Variants in CTNND2 observed in about 807,000 individuals in gnomAD.
CTNND2 encodes catenin delta 2.
A neutral mutation model predicts 144.4 loss-of-function variants in CTNND2; 22 were observed. The observed-to-expected ratio is 0.15, with a 90% CI of 0.11 to 0.22. The LOEUF (loss-of-function observed/expected upper bound fraction) is 0.22. Among genes scored for constraint, CTNND2 ranks in the 10% least tolerant of loss-of-function variants. The pLI, the probability that CTNND2 is intolerant of heterozygous loss-of-function variation, is 1.00. For missense variants in CTNND2, 1,353 were observed against 1,618.8 expected (o/e 0.84, Z 2.82); for synonymous variants, 751 against 695.6 (o/e 1.08, Z -1.25).
chr5:11,817,654 C>T (rs1250156239), intron 1 of CTNND2, among the ~76,000 whole-genome samples: 1 of 151,994 alleles, frequency 6.6e-6, no homozygotes, highest in Non-Finnish European at 1.5e-5. Flanking sequence ...AGCCGTGTGG[C>T]TGTTAAAATC....
intron 16 of CTNND2, among the ~76,000 whole-genome samples, chr5:11,081,381 T>G (rs2149632919): frequency 6.6e-6 from 1 of 152,342 alleles, no homozygotes; most frequent in East Asian, 1.9e-4. Flanking sequence ...CTTGATTTAA[T>G]CAGTTCACAT....
chr5:11,462,045 G>A (rs1449877389), intron 3 of CTNND2, among the ~76,000 whole-genome samples: 1 of 152,050 alleles, frequency 6.6e-6, no homozygotes, highest in Admixed American at 6.5e-5. Flanking sequence ...CCCAGGTGGT[G>A]ACCAGATCAC....
chr5:11,473,866 C>T (rs1471537925), intron 3 of CTNND2, among the ~76,000 whole-genome samples: 1 of 152,234 alleles, frequency 6.6e-6, no homozygotes, highest in Admixed American at 6.5e-5. Flanking sequence ...CTGCAGTGTG[C>T]AAAGAAGCTG....
intron 19 of CTNND2, among the ~76,000 whole-genome samples, chr5:10,990,837 C>CACAG (rs1738594645): frequency 6.6e-6 from 1 of 152,214 alleles, no homozygotes; most frequent in Non-Finnish European, 1.5e-5. Flanking sequence ...GCTGGTTGAA[C>CACAG]ACAGCCCTGC....
chr5:11,584,433 G>A (rs1319989361), intron 2 of CTNND2, among the ~76,000 whole-genome samples: 1 of 145,428 alleles, frequency 6.9e-6, no homozygotes, highest in African/African-American at 2.5e-5. Context: ...TTTGGGGGGG[G>A]GGAGGAGGAA....
intron 1 of CTNND2, among the ~76,000 whole-genome samples, chr5:11,839,595 G>T (rs759058987): frequency 1.6e-4 from 24 of 152,134 alleles, no homozygotes; most frequent in Non-Finnish European, 2.9e-4. Flanking sequence ...TGCCTGGGTG[G>T]GAAGACACAA....
At chr5:11,323,987 C>T (rs560396579) in intron 9 of CTNND2, among the ~76,000 whole-genome samples, 34 of 152,132 alleles carry the variant, frequency 2.2e-4, no homozygotes, top group Middle Eastern at 3.4e-3. Flanking sequence ...GATGGAAGCA[C>T]GTCACCATCT....
chr5:11,514,898 G>T (rs945439485), intron 3 of CTNND2, among the ~76,000 whole-genome samples: 24 of 152,102 alleles, frequency 1.6e-4, no homozygotes, highest in Admixed American at 1.2e-3. Context: ...CAGCTCCCAG[G>T]TTCAAGCAAT....
intron 10 of CTNND2, among the ~76,000 whole-genome samples, chr5:11,224,122 C>A (rs949491272): frequency 3.3e-5 from 5 of 152,156 alleles, no homozygotes; most frequent in Non-Finnish European, 5.9e-5. Context: ...TATACCTCCA[C>A]GCAGCGGTAT....
chr5:11,442,187 A>G (rs1764328143), intron 3 of CTNND2, among the ~76,000 whole-genome samples: 1 of 152,186 alleles, frequency 6.6e-6, no homozygotes, highest in South Asian at 2.1e-4. Flanking sequence ...ATCTGTTAAC[A>G]TATATTTATT....
intron 5 of CTNND2, among the ~76,000 whole-genome samples, chr5:11,397,463 T>C (rs1033501182): frequency 2.0e-5 from 3 of 152,148 alleles, no homozygotes; most frequent in Non-Finnish European, 4.4e-5. Context: ...CTGACCTACA[T>C]AGAGACATTT....
At chr5:11,098,056 T>C (rs1408369443) in intron 15 of CTNND2, among the ~76,000 whole-genome samples, 1 of 152,252 alleles carries the variant, frequency 6.6e-6, no homozygotes, top group Admixed American at 6.5e-5. Context: ...ATAAATTTAC[T>C]TTAACATGTT....
At chr5:11,170,986 T>C (rs1759846945) in intron 11 of CTNND2, among the ~76,000 whole-genome samples, 1 of 152,054 alleles carries the variant, frequency 6.6e-6, no homozygotes, top group Non-Finnish European at 1.5e-5. Flanking sequence ...ATGAGAACAG[T>C]ATGGGAAAAA....
At chr5:11,756,939 G>A (rs1270559239) in intron 1 of CTNND2, among the ~76,000 whole-genome samples, 1 of 151,608 alleles carries the variant, frequency 6.6e-6, no homozygotes, top group African/African-American at 2.4e-5. Context: ...TAAAGGAAAT[G>A]TGACTCCAAT....
chr5:11,451,978 C>T (rs61760274), intron 3 of CTNND2, among the ~76,000 whole-genome samples: 2,707 of 152,264 alleles, frequency 0.018, 91 homozygotes, highest in African/African-American at 0.062. Context: ...CTGTTTTCCC[C>T]AACAGTGGTA....
chr5:11,617,472 T>A (rs1176619972), intron 2 of CTNND2, among the ~76,000 whole-genome samples: 1 of 152,250 alleles, frequency 6.6e-6, no homozygotes, highest in African/African-American at 2.4e-5. Context: ...ATTCATCATA[T>A]ATTAACTATG....
intron 1 of CTNND2, among the ~76,000 whole-genome samples, chr5:11,820,596 T>G (rs1449816535): frequency 6.6e-6 from 1 of 152,206 alleles, no homozygotes; most frequent in African/African-American, 2.4e-5. Flanking sequence ...GAAATTCTCT[T>G]GACTGCTTAC....
At position 11,903,682 on chromosome 5, in the gene CTNND2, G is replaced by T; in HGVS notation, c.37+135C>A. 2.1e-6 allele frequency: 2 copies of T among 962,554 alleles called. No homozygotes were observed. The highest frequency in any genetic ancestry group is 2.8e-6 in the Non-Finnish European group (2 of 705,640). 59.6% of individuals were successfully genotyped at this position (962,554 alleles called of 1,614,324 possible). ...GCGATCGCGGTCCTCCCCGAGGCAG[G>T]CAGAAACCCCGCAGCAGCCGCCGCC... On this transcript the variant is annotated intron_variant, in intron 1 of 21. Coordinates refer to ENST00000304623, the MANE Select transcript of CTNND2 (RefSeq NM_001332.4). The surrounding 1 kb of genome is among the most constrained non-coding windows in gnomAD (Gnocchi z 5.4).
chr5:11,302,528 G>A (rs766560931), intron 9 of CTNND2, among the ~76,000 whole-genome samples: 5 of 152,174 alleles, frequency 3.3e-5, no homozygotes, highest in Admixed American at 1.3e-4. Context: ...CAACAAACCC[G>A]GTAAATGCCG....
Sources: allele counts gnomAD v4.1 joint callset (sites outside exome capture counted in the v4.1 genomes callset), GRCh38; gene constraint gnomAD v4.1.1; non-coding constraint Gnocchi (gnomAD v3.1); transcripts MANE v1.5; gene names NCBI Gene and HGNC (gene_info 2026-07-23, HGNC 2026-07-21).